Variants in USP14 observed in about 807,000 individuals in gnomAD.
USP14 encodes ubiquitin specific peptidase 14.
Under a neutral mutation model 76.5 loss-of-function variants are expected in USP14, and 38 were observed. That is an observed-to-expected ratio of 0.50 (90% CI 0.38 to 0.65). The LOEUF is 0.65. Ranked by LOEUF, USP14 falls within the 30% of genes least tolerant of loss-of-function variation. The pLI is 0.00. For synonymous variants in USP14, 192 were observed against 191.7 expected, an observed-to-expected ratio of 1.00 and a Z score of -0.01; for missense variants, 467 against 586.5, an observed-to-expected ratio of 0.80 and a Z score of 2.10.
intron 12 of USP14, among the ~76,000 whole-genome samples, 182 bp from the exon 13 acceptor site, chr18:204,382 A>G (rs1027817652): frequency 6.6e-6 from 1 of 152,144 alleles, no homozygotes; most frequent in Non-Finnish European, 1.5e-5. Context: ...AAAAGTTAGA[A>G]CCAGATCATT....
Position 158,653 on chromosome 18 carries a change from G to T in USP14, c.-46G>T. The T allele has an allele frequency of 6.6e-7, 1 of 1,516,678 alleles. No homozygotes were observed. Among genetic ancestry groups the T allele is most frequent in the South Asian group, 1.2e-5 (1 of 82,376 alleles). The allele number at this position is 1,516,678 out of a possible 1,614,324, so 94.0% of individuals were successfully genotyped here. ...TGGTCCCCGTCCCTTTGCCGCCCTC[G>T]TCAGGCCCAGCTCTCCTGCGCCGCC... is the stretch of plus-strand genomic sequence containing the variant. On this transcript the variant is annotated 5_prime_UTR_variant, in exon 1 of 16. Coordinates refer to ENST00000261601, the MANE Select transcript of USP14 (RefSeq NM_005151.4).
chr18:201,158 T>A (rs1396317348), intron 10 of USP14, among the ~76,000 whole-genome samples: 1 of 152,238 alleles, frequency 6.6e-6, no homozygotes, highest in Non-Finnish European at 1.5e-5. Flanking sequence ...GAAAAATAAA[T>A]GCATGAATAA....
In USP14 at chr18:178,964, A is replaced by T. The variant is rs1452455542; in HGVS notation, c.227A>T (p.Asp76Val). 1 of 1,613,324 alleles carries T rather than the reference A, an allele frequency of 6.2e-7. No individual in the cohort carries two copies. The highest frequency in any genetic ancestry group is 1.7e-5 in the Admixed American group (1 of 59,844). The change falls in exon 4 of 16, where the codon GAT (aspartate) becomes GTT (valine). Residue 76 changes from aspartate (D) to valine (V), a missense_variant. Asp to Val is a radical substitution (Grantham distance 152, BLOSUM62 -3). Transcript: ENST00000261601. ...GMTLLMMGSA[D>V]ALPEEPSAKT... Reference sequence around the variant, plus strand: ...ACTCTACTAATGATGGGGTCAGCAGATGCTCTTCCAGAAGAACCCTCAGCC... The same window carrying T: ...ACTCTACTAATGATGGGGTCAGCAGTTGCTCTTCCAGAAGAACCCTCAGCC...
At chr18:206,350 C>T (rs1163281405) in intron 13 of USP14, among the ~76,000 whole-genome samples, 1 of 152,162 alleles carries the variant, frequency 6.6e-6, no homozygotes, top group African/African-American at 2.4e-5. Context: ...TCTGTATATC[C>T]TCTTTTGTAA....
intron 13 of USP14, among the ~76,000 whole-genome samples, chr18:206,234 AT>A (rs1476588314): frequency 6.6e-6 from 1 of 152,036 alleles, no homozygotes; most frequent in Non-Finnish European, 1.5e-5. Flanking sequence ...TGTTGTCACT[AT>A]TTTTCATTTC....
At chr18:163,886 G>C (rs1419705461) in intron 2 of USP14, among the ~76,000 whole-genome samples, 1 of 147,102 alleles carries the variant, frequency 6.8e-6, no homozygotes, top group African/African-American at 2.5e-5. Flanking sequence ...AGTGTCTTTT[G>C]TTCCTGTCTA....
Position 181,975 on chromosome 18 carries a change from A to G in USP14, c.404+1636A>G, listed in dbSNP as rs113920726. Among the ~76,000 whole-genome samples the G allele has an allele frequency of 1.3e-3, 198 of 152,234 alleles. 1 individual carries two copies. Among genetic ancestry groups the G allele is most frequent in the African/African-American group, 4.3e-3 (180 of 41,556 alleles). On this transcript the variant is annotated intron_variant, in intron 5 of 15. Transcript: ENST00000261601. ...CTTCCAGTATCATTTGTTGAAGGCT[A>G]TTGTTTCCCCACTGAATTGTCTTAG...
At position 211,261 on chromosome 18, in the gene USP14, A is replaced by G; in HGVS notation, c.1462A>G (p.Met488Val). Residue 488 changes from methionine to valine, a missense_variant, in exon 16 of 16, where the codon ATG becomes GTG. Coordinates refer to ENST00000261601, the MANE Select transcript of USP14 (RefSeq NM_005151.4). Reference protein sequence around the residue: ...LLYGPRRVEIMEEESEQ With the variant: ...LLYGPRRVEIVEEESEQ ...CTATGGGCCTCGCAGAGTTGAAATAATGGAAGAGGAAAGTGAACAGTAATC... is the reference window on the plus strand; with the variant it reads ...CTATGGGCCTCGCAGAGTTGAAATAGTGGAAGAGGAAAGTGAACAGTAATC... 6 of 1,610,932 alleles carry G rather than the reference A, an allele frequency of 3.7e-6. No homozygotes were observed. Among genetic ancestry groups the G allele is most frequent in the Non-Finnish European group, 5.1e-6 (6 of 1,178,508 alleles).
At chr18:209,649 GT>G (rs1250586608) in intron 13 of USP14, among the ~76,000 whole-genome samples, 1 of 152,144 alleles carries the variant, frequency 6.6e-6, no homozygotes, top group Non-Finnish European at 1.5e-5. Context: ...GGGGAATTGG[GT>G]TTTTCCTTTT....
intron 5 of USP14, 91 bp downstream of exon 5, chr18:180,430 T>G (rs1180445528): frequency 4.0e-6 from 3 of 742,062 alleles, no homozygotes; most frequent in Non-Finnish European, 6.7e-6. Context: ...TTAATTGAGA[T>G]ATAATTAATT....
At chr18:160,779 T>A (rs1909096297) in intron 1 of USP14, among the ~76,000 whole-genome samples, 1 of 152,242 alleles carries the variant, frequency 6.6e-6, no homozygotes, top group African/African-American at 2.4e-5. Context: ...TAGTTTATTT[T>A]AGTGATTACA....
chr18:197,310 T>C (rs975005017), intron 7 of USP14, among the ~76,000 whole-genome samples: 50 of 152,340 alleles, frequency 3.3e-4, no homozygotes, highest in African/African-American at 1.1e-3. Flanking sequence ...CCCTGATCAC[T>C]TACTGTTTCC....
intron 2 of USP14, among the ~76,000 whole-genome samples, chr18:166,166 A>G (rs188297031): frequency 3.5e-4 from 54 of 152,296 alleles, no homozygotes; most frequent in African/African-American, 1.1e-3. Flanking sequence ...ATCATTTGTC[A>G]TTAGTCAAGT....
intron 7 of USP14, among the ~76,000 whole-genome samples, chr18:197,296 C>G (rs1486647651): frequency 6.6e-6 from 1 of 152,258 alleles, no homozygotes; most frequent in Non-Finnish European, 1.5e-5. Flanking sequence ...GCACACTTCC[C>G]TTCCCCTGAT....
At chr18:188,494 T>C (rs1353196717) in intron 5 of USP14, among the ~76,000 whole-genome samples, 3 of 151,352 alleles carry the variant, frequency 2.0e-5, no homozygotes, top group African/African-American at 7.3e-5. Context: ...TATAGCATTC[T>C]GTCTCCCTCT....
Position 159,033 on chromosome 18 carries a change from G to A in USP14, c.16+319G>A, listed in dbSNP as rs1323905061. ...CGGTGAAAGTGAGGGTGTGTCCTGGGGCGCTGGGCCAGGCTGGAGGTGCAG... is the reference window on the plus strand; with the variant it reads ...CGGTGAAAGTGAGGGTGTGTCCTGGAGCGCTGGGCCAGGCTGGAGGTGCAG... On this transcript the variant is annotated intron_variant, in intron 1 of 15. Transcript: ENST00000261601. 1.0e-5 allele frequency: 3 copies of A among 298,324 alleles called. No homozygotes were observed. In the East Asian group the frequency reaches 1.7e-4, roughly 17 times the overall value. The allele number at this position is 298,324 out of a possible 1,614,324, so 18.5% of individuals were successfully genotyped here.
chr18:173,222 C>T (rs998827388), intron 3 of USP14, among the ~76,000 whole-genome samples: 2 of 151,844 alleles, frequency 1.3e-5, no homozygotes, highest in Non-Finnish European at 2.9e-5. Flanking sequence ...ATTCTCCTGC[C>T]TCAGCCTCCC....
At chr18:162,536 T>C (rs1029874612) in intron 1 of USP14, among the ~76,000 whole-genome samples, 2 of 152,306 alleles carry the variant, frequency 1.3e-5, no homozygotes, top group East Asian at 1.9e-4. Flanking sequence ...CTGTATTCCT[T>C]AAGTTGTTCT....
At chr18:177,394 C>T (rs1281627605) in intron 3 of USP14, among the ~76,000 whole-genome samples, 1 of 148,318 alleles carries the variant, frequency 6.7e-6, no homozygotes, top group Non-Finnish European at 1.5e-5. Context: ...TGCACTCCTG[C>T]CTGGGTGACA....
Sources: gnomAD v4.1 joint callset for allele counts (sites outside exome capture counted in the v4.1 genomes callset) on GRCh38, gnomAD v4.1.1 for gene constraint, MANE v1.5 for transcripts, NCBI Gene and HGNC (gene_info 2026-07-23, HGNC 2026-07-21) for gene names.